The following GARNL3 variants were observed in gnomAD, a reference collection of about 807,000 sequenced individuals.
GARNL3 encodes GTPase activating Rap/RanGAP domain like 3, also known as GTPase-activating Rap/Ran-GAP domain-like protein 3.
A neutral mutation model predicts 125.0 loss-of-function variants in GARNL3; 63 were observed. That is an observed-to-expected ratio of 0.50 (90% CI 0.41 to 0.62). The LOEUF is 0.62. Ranked by LOEUF, GARNL3 falls within the 20% of genes least tolerant of loss-of-function variation. The pLI is 0.00. For synonymous variants in GARNL3, 439 were observed against 457.5 expected (o/e 0.96, Z 0.52); for missense variants, 994 against 1,244.0 (o/e 0.80, Z 3.02).
At chr9:127,265,746 A>G (rs1367533136) in intron 1 of GARNL3, among the ~76,000 whole-genome samples, 1 of 152,232 alleles carries the variant, frequency 6.6e-6, no homozygotes, top group African/African-American at 2.4e-5. Context: ...AACACTGTTA[A>G]TGACATTGCC....
chr9:127,294,186 A>G (rs2064512877), intron 2 of GARNL3, among the ~76,000 whole-genome samples: 2 of 152,224 alleles, frequency 1.3e-5, no homozygotes, highest in Admixed American at 6.5e-5. Context: ...GCTGGGATTG[A>G]CAAACATCCT....
At chr9:127,358,239 G>A (rs902993538) in intron 21 of GARNL3, among the ~76,000 whole-genome samples, 1 of 152,260 alleles carries the variant, frequency 6.6e-6, no homozygotes, top group African/African-American at 2.4e-5. Flanking sequence ...CACTGACACT[G>A]ACATTAGCAG....
At chr9:127,317,283 AGT>A (rs1364098900) in intron 4 of GARNL3, among the ~76,000 whole-genome samples, 1 of 152,220 alleles carries the variant, frequency 6.6e-6, no homozygotes, top group Non-Finnish European at 1.5e-5. Flanking sequence ...TAAATGTAAA[AGT>A]GTGCATTATG....
At chr9:127,316,752 G>A (rs57383117) in intron 4 of GARNL3, among the ~76,000 whole-genome samples, 115 of 152,274 alleles carry the variant, frequency 7.6e-4, no homozygotes, top group African/African-American at 2.7e-3. Flanking sequence ...CCCTGGGCTG[G>A]AGAGGGGTGA....
At chr9:127,332,783 T>C (rs1829335885) in intron 8 of GARNL3, among the ~76,000 whole-genome samples, 1 of 152,218 alleles carries the variant, frequency 6.6e-6, no homozygotes, top group African/African-American at 2.4e-5. Context: ...ACACCTGTGG[T>C]CCCAGGCTGG....
At chr9:127,331,720 C>CTTGTTTTTTTTTTTTTTTTTT (rs367597623) in intron 7 of GARNL3, among the ~76,000 whole-genome samples, 1 of 74,416 alleles carries the variant, frequency 1.3e-5, no homozygotes, top group Non-Finnish European at 2.5e-5. Flanking sequence ...CTTGGGCTTG[C>CTTGTTTTTTTTTTTTTTTTTT]TTTTTTTTTT....
intron 2 of GARNL3, among the ~76,000 whole-genome samples, chr9:127,299,544 C>T (rs765496576): frequency 1.3e-5 from 2 of 151,882 alleles, no homozygotes; most frequent in African/African-American, 2.4e-5. Flanking sequence ...GGATTACAGG[C>T]GCCTGGCTAA....
intron 2 of GARNL3, among the ~76,000 whole-genome samples, chr9:127,293,143 C>G (rs2131377920): frequency 6.6e-6 from 1 of 152,254 alleles, no homozygotes; most frequent in African/African-American, 2.4e-5. Flanking sequence ...ACTTTCTAGC[C>G]TGATAAAAGA....
chr9:127,388,638 T>C, intron 25 of GARNL3: 1 of 488,028 alleles, frequency 2.0e-6, no homozygotes, highest in South Asian at 2.2e-5. Context: ...CAGGGCAGCT[T>C]TTTGCTTTTC....
intron 1 of GARNL3, among the ~76,000 whole-genome samples, chr9:127,284,711 A>G (rs2064197589): frequency 6.6e-6 from 1 of 151,892 alleles, no homozygotes; most frequent in African/African-American, 2.4e-5. Flanking sequence ...TCTGAATAGT[A>G]TCTAATTTTA....
At chr9:127,231,986 A>C (rs1451942406) in intron 1 of GARNL3, among the ~76,000 whole-genome samples, 1 of 152,212 alleles carries the variant, frequency 6.6e-6, no homozygotes, top group African/African-American at 2.4e-5. Flanking sequence ...GTAATACCAG[A>C]ATCTTTCCTG....
At chr9:127,351,000 T>C (rs1422768640) in intron 17 of GARNL3, among the ~76,000 whole-genome samples, 1 of 152,204 alleles carries the variant, frequency 6.6e-6, no homozygotes, top group East Asian at 1.9e-4. Context: ...TCCAGGGCTC[T>C]TTCCACTAAA....
At position 127,385,042 on chromosome 9, in the gene GARNL3, A is replaced by G; in HGVS notation, c.2285A>G (p.Tyr762Cys). The change falls in exon 24 of 28, where the codon TAT becomes TGT. Residue 762 changes from tyrosine to cysteine, a missense_variant. Coordinates refer to ENST00000373387, the MANE Select transcript of GARNL3 (RefSeq NM_032293.5). The surrounding 1 kb of genome is among the most constrained non-coding windows in gnomAD (Gnocchi z 4.1). ...TCCCTTGCAGTCTGTGCTTTCCCGT[A>G]TCTCCTGGCCTTCACCACCGACTCC... Reference protein sequence around the residue: ...APYAIVCAFPYLLAFTTDSME... With the variant: ...APYAIVCAFPCLLAFTTDSME... 3 of 1,608,404 alleles carry G rather than the reference A, an allele frequency of 1.9e-6. No homozygotes were observed. The highest frequency in any genetic ancestry group is 1.7e-6 in the Non-Finnish European group (2 of 1,176,570).
chr9:127,339,803 T>C, intron 13 of GARNL3, 52 bp downstream of exon 13: 1 of 1,053,914 alleles, frequency 9.5e-7, no homozygotes, highest in Non-Finnish European at 1.5e-6. Flanking sequence ...TCAGAATACA[T>C]TTCTTCAGAT....
chr9:127,348,534 A>C (rs1279675470), intron 16 of GARNL3, among the ~76,000 whole-genome samples: 1 of 152,198 alleles, frequency 6.6e-6, no homozygotes, highest in Non-Finnish European at 1.5e-5. Flanking sequence ...TTTTTATAGA[A>C]TTATGTGGGA....
chr9:127,253,057 T>G (rs2063434325), intron 2 of GARNL3, among the ~76,000 whole-genome samples: 2 of 152,238 alleles, frequency 1.3e-5, no homozygotes, highest in South Asian at 4.1e-4. Flanking sequence ...ATTTATAGCA[T>G]TTTTATGTCT....
intron 18 of GARNL3, 74 bp from the exon 19 acceptor site, chr9:127,354,220 T>G: frequency 1.8e-6 from 2 of 1,083,894 alleles, no homozygotes; most frequent in Non-Finnish European, 2.8e-6. Context: ...TTCTACACAG[T>G]CTGCCCCTGG....
intron 1 of GARNL3, among the ~76,000 whole-genome samples, chr9:127,286,564 G>A (rs979703288): frequency 4.6e-5 from 7 of 152,014 alleles, no homozygotes; most frequent in African/African-American, 1.7e-4. Context: ...ACTCTTTACG[G>A]GCATTTTCTT....
chr9:127,393,435 T>C lies in GARNL3; in HGVS notation c.*181T>C. On this transcript the variant is annotated 3_prime_UTR_variant, in exon 28 of 28. Coordinates refer to ENST00000373387, the MANE Select transcript of GARNL3 (RefSeq NM_032293.5). ...GTCCGGTGCCATCTTTCCTGACCTT[T>C]GTTTCTTTCTGTTCAGGAACCATCA... 1 of 457,494 alleles carries C rather than the reference T, an allele frequency of 2.2e-6. No individual in the cohort carries two copies. The highest frequency in any genetic ancestry group is 4.9e-5 in the South Asian group (1 of 20,342). The allele number at this position is 457,494 out of a possible 1,614,324, so 28.3% of individuals were successfully genotyped here.
Sources: allele counts gnomAD v4.1 joint callset (sites outside exome capture counted in the v4.1 genomes callset), GRCh38; gene constraint gnomAD v4.1.1; non-coding constraint Gnocchi (gnomAD v3.1); transcripts MANE v1.5; gene names NCBI Gene and HGNC (gene_info 2026-07-23, HGNC 2026-07-21).